The following PTPRD variants were observed in gnomAD, a reference collection of about 807,000 sequenced individuals.
The protein encoded by PTPRD is protein tyrosine phosphatase receptor type D.
In PTPRD, 34 loss-of-function variants were observed where a neutral mutation model predicts 214.5. The observed-to-expected ratio is 0.16, with a 90% CI of 0.12 to 0.21. The LOEUF (loss-of-function observed/expected upper bound fraction) is 0.21. Among genes scored for constraint, PTPRD ranks in the 10% least tolerant of loss-of-function variants. The probability of loss-of-function intolerance (pLI) is 1.00; values close to 1 mark genes in which losing one functional copy is unlikely to be tolerated. For synonymous variants in PTPRD, 1,128 were observed against 845.7 expected (o/e 1.33, Z -5.79); for missense variants, 2,545 against 2,398.7 (o/e 1.06, Z -1.27).
At chr9:9,701,804 TA>T (rs1211649419) in intron 7 of PTPRD, among the ~76,000 whole-genome samples, 1 of 152,144 alleles carries the variant, frequency 6.6e-6, no homozygotes, top group African/African-American at 2.4e-5. Context: ...GCTTTCTATA[TA>T]AACTGATAAG....
intron 3 of PTPRD, among the ~76,000 whole-genome samples, chr9:10,223,271 T>C (rs556370324): frequency 4.1e-4 from 63 of 152,026 alleles, no homozygotes; most frequent in Non-Finnish European, 8.1e-4. Context: ...CCTTTTACCC[T>C]ATTTTCCATT....
chr9:10,178,078 C>G (rs1472658054), intron 3 of PTPRD, among the ~76,000 whole-genome samples: 1 of 151,820 alleles, frequency 6.6e-6, no homozygotes, highest in South Asian at 2.1e-4. Context: ...CTTATTTACC[C>G]TCTAGACTGC....
intron 7 of PTPRD, among the ~76,000 whole-genome samples, chr9:9,582,648 G>A (rs73388944): frequency 0.033 from 4,990 of 152,032 alleles, 231 homozygotes; most frequent in African/African-American, 0.1. Context: ...CAATAAAGCT[G>A]TTATTTTTAA....
chr9:10,499,087 T>C (rs2042908111), intron 2 of PTPRD, among the ~76,000 whole-genome samples: 1 of 152,004 alleles, frequency 6.6e-6, no homozygotes, highest in Admixed American at 6.6e-5. Flanking sequence ...CAGCAAAAGT[T>C]GGGGCAACTT....
At chr9:8,675,534 CACACAAAA>C (rs2097387081) in intron 12 of PTPRD, among the ~76,000 whole-genome samples, 1 of 73,776 alleles carries the variant, frequency 1.4e-5, no homozygotes, top group African/African-American at 6.6e-5. Flanking sequence ...CACACACACA[CACACAAAA>C]AAAAAAAAAA....
intron 5 of PTPRD, among the ~76,000 whole-genome samples, chr9:9,809,237 G>T (rs2046382986): frequency 6.6e-6 from 1 of 150,390 alleles, no homozygotes. Flanking sequence ...TGAACCTTCA[G>T]CAGATAAAGG....
intron 8 of PTPRD, among the ~76,000 whole-genome samples, chr9:9,528,926 C>G (rs923755545): frequency 4.8e-5 from 7 of 146,114 alleles, no homozygotes; most frequent in Non-Finnish European, 7.5e-5. Flanking sequence ...CAGTTTCTTT[C>G]TTTGTTTGTT....
At chr9:10,105,882 G>A (rs530265834) in intron 3 of PTPRD, among the ~76,000 whole-genome samples, 13 of 151,574 alleles carry the variant, frequency 8.6e-5, no homozygotes, top group Middle Eastern at 6.9e-3. Flanking sequence ...CATTGAATAT[G>A]CTTTTTACTT....
chr9:9,133,986 C>A (rs1402928983), intron 10 of PTPRD, among the ~76,000 whole-genome samples: 1 of 152,008 alleles, frequency 6.6e-6, no homozygotes, highest in African/African-American at 2.4e-5. Context: ...CCACACCTTA[C>A]CTCCATCCCC....
chr9:9,504,375 T>G (rs2096521026), intron 8 of PTPRD, among the ~76,000 whole-genome samples: 1 of 151,706 alleles, frequency 6.6e-6, no homozygotes, highest in African/African-American at 2.4e-5. Flanking sequence ...TAGATAATTC[T>G]TATGGCTTAT....
chr9:9,635,971 C>T (rs187235125), intron 7 of PTPRD, among the ~76,000 whole-genome samples: 15 of 152,214 alleles, frequency 9.9e-5, no homozygotes, highest in African/African-American at 2.9e-4. Context: ...CTCCATTGTT[C>T]TTAGGAAAAA....
At chr9:8,599,276 A>G (rs183555220) in intron 14 of PTPRD, among the ~76,000 whole-genome samples, 84 of 152,272 alleles carry the variant, frequency 5.5e-4, no homozygotes, top group African/African-American at 1.7e-3. Context: ...TAAATTACTC[A>G]GTCTCAGGTA....
chr9:8,852,650 C>T (rs1487988990), intron 11 of PTPRD, among the ~76,000 whole-genome samples: 1 of 152,326 alleles, frequency 6.6e-6, no homozygotes, highest in East Asian at 1.9e-4. Flanking sequence ...ACAGAATGAG[C>T]TGTCTTAGCT....
intron 3 of PTPRD, among the ~76,000 whole-genome samples, chr9:10,324,651 C>T (rs773150411): frequency 4.6e-5 from 7 of 151,998 alleles, no homozygotes; most frequent in African/African-American, 1.4e-4. Flanking sequence ...CCAAATGCAG[C>T]GCATTTTCTG....
chr9:8,325,724 T>C (rs1264488635), intron 44 of PTPRD, among the ~76,000 whole-genome samples: 1 of 152,190 alleles, frequency 6.6e-6, no homozygotes, highest in East Asian at 1.9e-4. Flanking sequence ...GAGCATGGAA[T>C]GTTCTTCCAT....
intron 10 of PTPRD, among the ~76,000 whole-genome samples, chr9:9,143,164 G>A (rs1267832032): frequency 6.6e-6 from 1 of 152,120 alleles, no homozygotes; most frequent in Non-Finnish European, 1.5e-5. Context: ...TTCCTCATTG[G>A]AGCATGCTAT....
chr9:9,901,843 G>C (rs1036405669), intron 5 of PTPRD, among the ~76,000 whole-genome samples: 3 of 152,136 alleles, frequency 2.0e-5, no homozygotes, highest in Non-Finnish European at 4.4e-5. Flanking sequence ...ACATGTCAGA[G>C]CCAGAGAGCA....
intron 4 of PTPRD, among the ~76,000 whole-genome samples, chr9:9,988,001 T>G (rs1289307479): frequency 6.6e-6 from 1 of 152,156 alleles, no homozygotes; most frequent in East Asian, 1.9e-4. Context: ...GTCAAAACAT[T>G]TCTTCTAAGA....
chr9:8,437,411 T>C (rs997454447), intron 34 of PTPRD, among the ~76,000 whole-genome samples: 3 of 152,180 alleles, frequency 2.0e-5, no homozygotes, highest in Non-Finnish European at 4.4e-5. Context: ...TTAAGATCGC[T>C]AATATTTCAC....
Sources: allele counts gnomAD v4.1 joint callset (sites outside exome capture counted in the v4.1 genomes callset), GRCh38; gene constraint gnomAD v4.1.1; transcripts MANE v1.5; gene names NCBI Gene and HGNC (gene_info 2026-07-23, HGNC 2026-07-21).